Variants in SGCD observed in about 807,000 individuals in gnomAD.
SGCD encodes the protein delta-sarcoglycan.
SGCD carries 18 observed loss-of-function variants against 36.6 expected under a neutral mutation model. The observed-to-expected ratio is 0.49, with a 90% CI of 0.34 to 0.73. SGCD has a LOEUF of 0.73. Ranked by LOEUF, SGCD falls within the 30% of genes least tolerant of loss-of-function variation. The probability of loss-of-function intolerance (pLI) is 0.01; values close to 1 mark genes in which losing one functional copy is unlikely to be tolerated. For missense variants in SGCD, 387 were observed against 346.7 expected, an observed-to-expected ratio of 1.12 and a Z score of -0.92; for synonymous variants, 133 against 130.6, an observed-to-expected ratio of 1.02 and a Z score of -0.12.
intron 1 of SGCD, among the ~76,000 whole-genome samples, chr5:155,888,355 A>G (rs1008735352): frequency 1.3e-5 from 2 of 152,182 alleles, no homozygotes; most frequent in African/African-American, 4.8e-5. Flanking sequence ...GCTGTCCAGT[A>G]TTCTCATGTT....
intron 1 of SGCD, among the ~76,000 whole-genome samples, chr5:156,012,450 G>A (rs1758880217): frequency 6.6e-6 from 1 of 152,044 alleles, no homozygotes; most frequent in African/African-American, 2.4e-5. Flanking sequence ...GTATAGAGGT[G>A]GAAATGTAAA....
chr5:156,396,372 A>G (rs1440906691), intron 3 of SGCD, among the ~76,000 whole-genome samples: 1 of 152,210 alleles, frequency 6.6e-6, no homozygotes, highest in Non-Finnish European at 1.5e-5. Flanking sequence ...GAGTGATGAG[A>G]AAACTGCTGG....
At chr5:156,317,016 C>A (rs10463087) in intron 3 of SGCD, among the ~76,000 whole-genome samples, 2 of 152,138 alleles carry the variant, frequency 1.3e-5, no homozygotes, top group East Asian at 3.9e-4. Context: ...TGAGTCTGGT[C>A]TGTAAATGTA....
intron 3 of SGCD, among the ~76,000 whole-genome samples, chr5:156,291,633 T>A (rs909038631): frequency 2.0e-5 from 3 of 152,118 alleles, no homozygotes; most frequent in East Asian, 1.9e-4. Flanking sequence ...TAACCTTTTT[T>A]TTCCTACTCT....
chr5:156,070,966 T>A (rs1280993395), intron 1 of SGCD, among the ~76,000 whole-genome samples: 3 of 152,194 alleles, frequency 2.0e-5, no homozygotes, highest in Non-Finnish European at 4.4e-5. Flanking sequence ...TTCTGTGGGA[T>A]CAGTGTTGAT....
At chr5:156,510,875 T>C (rs1756895723) in intron 4 of SGCD, among the ~76,000 whole-genome samples, 2 of 152,226 alleles carry the variant, frequency 1.3e-5, no homozygotes, top group African/African-American at 2.4e-5. Context: ...TTAGGAAATG[T>C]GTTTTAGAAG....
chr5:156,624,497 T>G (rs1762370112), intron 6 of SGCD, among the ~76,000 whole-genome samples: 1 of 151,984 alleles, frequency 6.6e-6, no homozygotes, highest in Non-Finnish European at 1.5e-5. Flanking sequence ...AGGAGAATGG[T>G]GCGAACCCAG....
At chr5:156,480,325 G>C (rs565075638) in intron 3 of SGCD, among the ~76,000 whole-genome samples, 1 of 152,126 alleles carries the variant, frequency 6.6e-6, no homozygotes, top group Non-Finnish European at 1.5e-5. Flanking sequence ...GCTCTGTTTC[G>C]TTGGATTCTT....
chr5:156,033,407 C>T (rs1049639989), intron 1 of SGCD, among the ~76,000 whole-genome samples: 1 of 152,096 alleles, frequency 6.6e-6, no homozygotes, highest in Non-Finnish European at 1.5e-5. Context: ...CTCCTTTTGG[C>T]GTCCCCAGTG....
chr5:156,070,790 T>G (rs1338535342), intron 1 of SGCD, among the ~76,000 whole-genome samples: 4 of 152,170 alleles, frequency 2.6e-5, no homozygotes, highest in African/African-American at 7.2e-5. Flanking sequence ...AAGCTATTGA[T>G]TATTGCCACA....
chr5:156,061,896 G>T (rs1760218274), intron 1 of SGCD, among the ~76,000 whole-genome samples: 1 of 133,126 alleles, frequency 7.5e-6, no homozygotes, highest in African/African-American at 2.6e-5. Flanking sequence ...AAAGATATTT[G>T]GTGATAATTC....
intron 1 of SGCD, among the ~76,000 whole-genome samples, chr5:156,070,847 G>A (rs916751370): frequency 2.0e-5 from 3 of 152,012 alleles, no homozygotes; most frequent in African/African-American, 7.3e-5. Flanking sequence ...ACTTCTTCCT[G>A]GTTTAGTCTT....
At chr5:156,660,489 G>A (rs2113626985) in intron 7 of SGCD, among the ~76,000 whole-genome samples, 1 of 152,322 alleles carries the variant, frequency 6.6e-6, no homozygotes, top group East Asian at 1.9e-4. Context: ...ATTTTCTCCT[G>A]GTGAAACACA....
At chr5:156,036,466 A>C (rs1759499398) in intron 1 of SGCD, among the ~76,000 whole-genome samples, 1 of 152,032 alleles carries the variant, frequency 6.6e-6, no homozygotes, top group Non-Finnish European at 1.5e-5. Flanking sequence ...CTCAGTCCTC[A>C]TTTTCCCCTT....
intron 3 of SGCD, among the ~76,000 whole-genome samples, chr5:156,377,081 A>C (rs567459725): frequency 6.6e-6 from 1 of 152,216 alleles, no homozygotes; most frequent in South Asian, 2.1e-4. Flanking sequence ...GAGAAAAAAA[A>C]GTCATGTAAA....
chr5:156,258,449 G>C (rs142591083), intron 3 of SGCD, among the ~76,000 whole-genome samples: 2 of 152,120 alleles, frequency 1.3e-5, no homozygotes, highest in African/African-American at 4.8e-5. Context: ...AAAGTTCATT[G>C]ATATGATTTG....
In SGCD at chr5:156,189,242, CT is replaced by C. The variant is rs574424718; in HGVS notation, c.-44+65224del. ...AGTACGTGCTAGTGACACAGATGTT[CT>C]GTTTTTTTGGAGGCTGAAAACCTCT... On this transcript the variant is annotated intron_variant, in intron 3 of 9. Transcript: ENST00000517913. Among the ~76,000 whole-genome samples the C allele has an allele frequency of 1.9e-3, 286 of 152,284 alleles. 1 individual carries two copies. The highest frequency in any genetic ancestry group is 6.7e-3 in the African/African-American group (279 of 41,574).
intron 1 of SGCD, among the ~76,000 whole-genome samples, chr5:155,914,405 G>A (rs1756695419): frequency 6.6e-6 from 1 of 152,102 alleles, no homozygotes; most frequent in Non-Finnish European, 1.5e-5. Context: ...CAAGTGCTGA[G>A]AGCCAAGTGC....
intron 4 of SGCD, among the ~76,000 whole-genome samples, chr5:156,560,955 T>C (rs1311136505): frequency 1.3e-5 from 2 of 152,206 alleles, no homozygotes; most frequent in Admixed American, 6.5e-5. Context: ...AGCTCTTACC[T>C]TGGCATATAT....
Sources: gnomAD v4.1 joint callset for allele counts (sites outside exome capture counted in the v4.1 genomes callset) on GRCh38, gnomAD v4.1.1 for gene constraint, MANE v1.5 for transcripts, NCBI Gene and HGNC (gene_info 2026-07-23, HGNC 2026-07-21) for gene names.